The following GRID2 variants were observed in gnomAD, a reference collection of about 807,000 sequenced individuals.
The protein encoded by GRID2 is glutamate ionotropic receptor delta type subunit 2, also known as glutamate receptor ionotropic, delta-2.
In GRID2, 33 loss-of-function variants were observed where a neutral mutation model predicts 114.8. That is an observed-to-expected ratio of 0.29 (90% CI 0.22 to 0.38). The LOEUF (loss-of-function observed/expected upper bound fraction) is 0.38. Ranked by LOEUF, GRID2 falls within the 10% of genes least tolerant of loss-of-function variation. GRID2 has a pLI of 1.00. For synonymous variants in GRID2, 505 were observed against 449.9 expected (o/e 1.12, Z -1.55); for missense variants, 1,184 against 1,257.7 (o/e 0.94, Z 0.89).
At chr4:92,697,362 C>T (rs1018154910) in intron 2 of GRID2, among the ~76,000 whole-genome samples, 2 of 152,102 alleles carry the variant, frequency 1.3e-5, no homozygotes, top group African/African-American at 4.8e-5. Flanking sequence ...AAGGGGTTAA[C>T]ACTAAACACC....
chr4:92,395,304 GT>G lies in GRID2; in HGVS notation c.88+90561del, dbSNP rs1490738663. On this transcript the variant is annotated intron_variant, in intron 1 of 15. Coordinates refer to ENST00000282020, the MANE Select transcript of GRID2 (RefSeq NM_001510.4). ...ATGTACCCTTTGATCTCACAATTAG[GT>G]GGGAAGACAATGAATAAGTAATTCA... Among the ~76,000 whole-genome samples, 10 of 151,584 alleles carry G rather than the reference GT, an allele frequency of 6.6e-5. No homozygotes were observed. In the South Asian group the frequency reaches 1.7e-3, roughly 25 times the overall value.
At chr4:92,533,028 T>C (rs1725425421) in intron 1 of GRID2, among the ~76,000 whole-genome samples, 1 of 152,076 alleles carries the variant, frequency 6.6e-6, no homozygotes, top group Admixed American at 6.6e-5. Context: ...GAACTGTGAA[T>C]GTACCACTGC....
chr4:93,375,741 A>G (rs1320151361), intron 8 of GRID2, among the ~76,000 whole-genome samples: 2 of 152,212 alleles, frequency 1.3e-5, no homozygotes, highest in Non-Finnish European at 2.9e-5. Flanking sequence ...CCTCAGGTTA[A>G]TCAAATAATT....
chr4:92,580,465 G>T (rs1450505), intron 1 of GRID2, among the ~76,000 whole-genome samples: 40,644 of 151,708 alleles, frequency 0.27, 5,592 homozygotes, highest in Middle Eastern at 0.37. Context: ...TAAAACAGTA[G>T]TTTACAGAAG....
intron 2 of GRID2, among the ~76,000 whole-genome samples, chr4:92,614,382 C>A (rs1311825277): frequency 6.6e-6 from 1 of 151,470 alleles, no homozygotes; most frequent in African/African-American, 2.4e-5. Flanking sequence ...TTGCGGTTAA[C>A]ACTGCTTTAC....
chr4:92,565,740 C>G (rs1334003256), intron 1 of GRID2, among the ~76,000 whole-genome samples: 2 of 151,936 alleles, frequency 1.3e-5, no homozygotes, highest in Non-Finnish European at 2.9e-5. Flanking sequence ...GTCTTTTTCT[C>G]CCATGTTGTA....
At chr4:93,364,564 T>C (rs989994364) in intron 8 of GRID2, among the ~76,000 whole-genome samples, 1 of 152,132 alleles carries the variant, frequency 6.6e-6, no homozygotes, top group Non-Finnish European at 1.5e-5. Flanking sequence ...GTTCAACTCC[T>C]GGGCTCAAGC....
At chr4:93,692,879 C>G (rs1726689719) in intron 14 of GRID2, among the ~76,000 whole-genome samples, 1 of 152,164 alleles carries the variant, frequency 6.6e-6, no homozygotes, top group Admixed American at 6.5e-5. Context: ...TGTGTTTTCT[C>G]ATGCAGATTA....
chr4:92,475,736 C>T (rs1722275173), intron 1 of GRID2, among the ~76,000 whole-genome samples: 1 of 151,798 alleles, frequency 6.6e-6, no homozygotes, highest in Admixed American at 6.6e-5. Flanking sequence ...ATAGGCATTG[C>T]ATTGAATTTT....
chr4:93,379,918 C>A (rs755600116), intron 8 of GRID2, among the ~76,000 whole-genome samples: 1 of 151,986 alleles, frequency 6.6e-6, no homozygotes, highest in Admixed American at 6.6e-5. Context: ...ATAAAACTAC[C>A]CATTTCCCCA....
intron 4 of GRID2, among the ~76,000 whole-genome samples, chr4:93,168,564 G>A (rs964171421): frequency 5.9e-5 from 9 of 151,948 alleles, no homozygotes; most frequent in Non-Finnish European, 1.3e-4. Flanking sequence ...TAATTTATTA[G>A]TTATATAAAT....
At chr4:92,384,465 TA>T (rs1441792746) in intron 1 of GRID2, among the ~76,000 whole-genome samples, 3 of 52,270 alleles carry the variant, frequency 5.7e-5, no homozygotes, top group South Asian at 4.7e-4. Context: ...TATATATATA[TA>T]TATATATATA....
intron 2 of GRID2, among the ~76,000 whole-genome samples, chr4:92,657,458 G>A (rs907074681): frequency 4.0e-5 from 6 of 151,040 alleles, no homozygotes; most frequent in Non-Finnish European, 8.9e-5. Context: ...AATTATTCAA[G>A]CAGATAGCGT....
intron 2 of GRID2, among the ~76,000 whole-genome samples, chr4:92,970,321 A>G (rs1340719319): frequency 2.6e-5 from 4 of 151,944 alleles, no homozygotes; most frequent in Non-Finnish European, 2.9e-5. Context: ...AGTCTCTTCA[A>G]TCACCAAAGC....
intron 1 of GRID2, among the ~76,000 whole-genome samples, chr4:92,436,642 A>G (rs1311540103): frequency 6.6e-6 from 1 of 152,124 alleles, no homozygotes; most frequent in Non-Finnish European, 1.5e-5. Context: ...AATACATTGC[A>G]TCATAATGGT....
chr4:93,417,719 G>A, intron 9 of GRID2, among the ~76,000 whole-genome samples: 1 of 151,550 alleles, frequency 6.6e-6, no homozygotes, highest in East Asian at 1.9e-4. Context: ...TGCTTTCTTT[G>A]GCTATTGCTT....
At position 92,676,648 on chromosome 4, in the gene GRID2, C is replaced by T. The variant is rs550256207; in HGVS notation, c.244+86362C>T. ...CTCTGTAAGATAAGATCCCCATATT[C>T]CCTACATATTTTTCACAAAATTTTC... On this transcript the variant is annotated intron_variant, in intron 2 of 15. Coordinates refer to ENST00000282020, the MANE Select transcript of GRID2 (RefSeq NM_001510.4). 1.5e-3 allele frequency among the ~76,000 whole-genome samples: 230 copies of T among 151,946 alleles called. 1 individual carries two copies. The highest frequency in any genetic ancestry group is 2.0e-3 in the Non-Finnish European group (138 of 68,000).
intron 1 of GRID2, among the ~76,000 whole-genome samples, chr4:92,587,356 G>C (rs1255274245): frequency 6.6e-6 from 1 of 151,986 alleles, no homozygotes; most frequent in African/African-American, 2.4e-5. Context: ...GGATTATCTA[G>C]ATTGGTAATA....
chr4:92,517,695 C>T (rs992585075), intron 1 of GRID2, among the ~76,000 whole-genome samples: 12 of 151,910 alleles, frequency 7.9e-5, no homozygotes, highest in African/African-American at 2.7e-4. Context: ...TAACATTTTC[C>T]AGAGTTAAAA....
Sources: gnomAD v4.1 joint callset for allele counts (sites outside exome capture counted in the v4.1 genomes callset) on GRCh38, gnomAD v4.1.1 for gene constraint, MANE v1.5 for transcripts, NCBI Gene and HGNC (gene_info 2026-07-23, HGNC 2026-07-21) for gene names.